OR1J2: variants seen among roughly 807,000 people sequenced by gnomAD.
The protein encoded by OR1J2 is olfactory receptor family 1 subfamily J member 2.
For synonymous variants in OR1J2, 142 were observed against 99.7 expected, an observed-to-expected ratio of 1.42 and a Z score of -2.52; for missense variants, 304 against 246.1, an observed-to-expected ratio of 1.24 and a Z score of -1.57.
the OR1J2 span, among the ~76,000 whole-genome samples, chr9:122,480,012 T>A: frequency 6.6e-6 from 1 of 152,326 alleles, no homozygotes; most frequent in Middle Eastern, 3.4e-3. Context: ...AAAGTAATTT[T>A]AACAGGAATT....
the OR1J2 span, chr9:122,448,934 T>C: frequency 1.4e-5 from 2 of 147,980 alleles, no homozygotes; most frequent in Non-Finnish European, 3.0e-5. Flanking sequence ...ACCCAGGAGT[T>C]TGAGACCAGC....
chr9:122,526,264 A>G, the OR1J2 span: 1 of 628,720 alleles, frequency 1.6e-6, no homozygotes, highest in African/African-American at 1.8e-5. Context: ...ACCAGACTAC[A>G]ATCTTATGGC....
At chr9:122,552,969 A>G in the OR1J2 span, 3 of 542,458 alleles carry the variant, frequency 5.5e-6, no homozygotes, top group African/African-American at 5.7e-5. Context: ...CTGCTATAGC[A>G]TACAAAGCAC....
chr9:122,484,054 AT>A, the OR1J2 span, among the ~76,000 whole-genome samples: 9,812 of 152,190 alleles, frequency 0.064, 417 homozygotes, highest in African/African-American at 0.12. Flanking sequence ...AGTAATCAAT[AT>A]TAGGAGCCCA....
At chr9:122,552,535 A>G in the OR1J2 span, among the ~76,000 whole-genome samples, 49,193 of 151,436 alleles carry the variant, frequency 0.32, 8,939 homozygotes, top group East Asian at 0.53. Context: ...TCCTATTTGT[A>G]TGCGTGTGTG....
the OR1J2 span, among the ~76,000 whole-genome samples, chr9:122,504,657 CTCTG>C: frequency 2.0e-5 from 3 of 152,090 alleles, no homozygotes; most frequent in Admixed American, 6.6e-5. Context: ...CATGTCATTT[CTCTG>C]TCTGTAATGC....
chr9:122,468,586 C>T, the OR1J2 span, among the ~76,000 whole-genome samples: 1,423 of 152,002 alleles, frequency 9.4e-3, 20 homozygotes, highest in South Asian at 0.028. Context: ...GGGATCTTAA[C>T]CCAAAAGCAT....
chr9:122,499,250 A>G, the OR1J2 span, among the ~76,000 whole-genome samples: 1 of 152,226 alleles, frequency 6.6e-6, no homozygotes, highest in Non-Finnish European at 1.5e-5. Flanking sequence ...AGGTGTGTCT[A>G]GGTGTGGAGC....
At chr9:122,504,968 T>C in the OR1J2 span, among the ~76,000 whole-genome samples, 4 of 152,162 alleles carry the variant, frequency 2.6e-5, no homozygotes, top group African/African-American at 7.2e-5. Context: ...TTGAGTTTGC[T>C]AAGCTGCTAC....
chr9:122,484,389 T>C, the OR1J2 span, among the ~76,000 whole-genome samples: 1 of 152,118 alleles, frequency 6.6e-6, no homozygotes, highest in Non-Finnish European at 1.5e-5. Context: ...CTCGATCTCT[T>C]GACCTTGTGA....
the OR1J2 span, among the ~76,000 whole-genome samples, chr9:122,557,239 T>C: frequency 6.6e-6 from 1 of 152,150 alleles, no homozygotes; most frequent in African/African-American, 2.4e-5. Context: ...TATGCATTAC[T>C]AGGACTTTCA....
upstream of OR1J2, among the ~76,000 whole-genome samples, chr9:122,507,558 C>G (rs961851400): frequency 1.3e-5 from 2 of 152,030 alleles, no homozygotes; most frequent in African/African-American, 4.8e-5. Flanking sequence ...GTTTTCCCTC[C>G]CTGGTAAGTA....
At chr9:122,453,939 C>T in the OR1J2 span, among the ~76,000 whole-genome samples, 1 of 152,184 alleles carries the variant, frequency 6.6e-6, no homozygotes, top group Non-Finnish European at 1.5e-5. Context: ...GGCAGGAATC[C>T]TCTTAGTGCT....
the OR1J2 span, among the ~76,000 whole-genome samples, chr9:122,565,785 A>G: frequency 6.6e-6 from 1 of 152,224 alleles, no homozygotes; most frequent in Admixed American, 6.5e-5. Flanking sequence ...TTTATGGATC[A>G]TGCTCTTTGC....
chr9:122,468,430 A>G, the OR1J2 span, among the ~76,000 whole-genome samples: 3 of 152,178 alleles, frequency 2.0e-5, no homozygotes, highest in Non-Finnish European at 1.5e-5. Flanking sequence ...AATTTACCAA[A>G]CCTGACCCCA....
the OR1J2 span, among the ~76,000 whole-genome samples, chr9:122,544,692 CTCT>C: frequency 6.6e-6 from 1 of 152,020 alleles, no homozygotes; most frequent in Non-Finnish European, 1.5e-5. Flanking sequence ...GCAAAATATC[CTCT>C]TCTTATCCTT....
the OR1J2 span, among the ~76,000 whole-genome samples, chr9:122,538,506 G>A: frequency 2.6e-5 from 4 of 152,084 alleles, no homozygotes; most frequent in African/African-American, 9.7e-5. Context: ...TACTGAAGTC[G>A]CTTATCAGAT....
the OR1J2 span, among the ~76,000 whole-genome samples, chr9:122,565,506 T>A: frequency 2.6e-5 from 4 of 152,222 alleles, no homozygotes; most frequent in Non-Finnish European, 5.9e-5. Flanking sequence ...TAACCAGGGC[T>A]GACCTGGCCA....
chr9:122,457,903 T>A, the OR1J2 span, among the ~76,000 whole-genome samples: 1 of 152,204 alleles, frequency 6.6e-6, no homozygotes, highest in Non-Finnish European at 1.5e-5. Flanking sequence ...ATTAAACCCT[T>A]TCCTGTAATT....
Sources: allele counts gnomAD v4.1 joint callset (sites outside exome capture counted in the v4.1 genomes callset), GRCh38; gene constraint gnomAD v4.1.1; transcripts MANE v1.5; gene names NCBI Gene and HGNC (gene_info 2026-07-23, HGNC 2026-07-21).